NCR3LG1: variants seen among roughly 807,000 people sequenced by gnomAD.
NCR3LG1 encodes the protein natural cytotoxicity triggering receptor 3 ligand 1.
A neutral mutation model predicts 34.8 loss-of-function variants in NCR3LG1; 35 were observed. The ratio of observed to expected loss-of-function variants is 1.01; its 90% confidence interval spans 0.77 to 1.33. NCR3LG1 has a LOEUF of 1.33. Ranked by LOEUF, NCR3LG1 falls within the 40% of genes most tolerant of loss-of-function variation. The probability of loss-of-function intolerance (pLI) is 0.00; values close to 1 mark genes in which losing one functional copy is unlikely to be tolerated. For synonymous variants in NCR3LG1, 173 were observed against 163.6 expected (o/e 1.06, Z -0.44); for missense variants, 452 against 423.3 (o/e 1.07, Z -0.60).
Position 17,351,976 on chromosome 11 carries a change from TG to T in NCR3LG1, c.9del (p.Trp3Ter). 2 of 1,366,638 alleles carry T rather than the reference TG, an allele frequency of 1.5e-6. No individual in the cohort carries two copies. The highest frequency in any genetic ancestry group is 1.9e-6 in the Non-Finnish European group (2 of 1,044,632). 84.7% of individuals were successfully genotyped at this position (1,366,638 alleles called of 1,614,324 possible). MT[W>X]RAAASTCAAL... Reference sequence around the variant, plus strand: ...CACAACAGCAGCCGCGGCGATGACGTGGAGGGCTGCCGCCTCCACGTGCGCG... The same window carrying T: ...CACAACAGCAGCCGCGGCGATGACGTGAGGGCTGCCGCCTCCACGTGCGCG... On this transcript the variant is annotated frameshift_variant, in exon 1 of 5. Transcript: ENST00000338965. LOFTEE classifies it high-confidence loss of function.
intron 3 of NCR3LG1, among the ~76,000 whole-genome samples, chr11:17,368,061 G>A (rs1015173157): frequency 1.6e-4 from 25 of 151,888 alleles, no homozygotes; most frequent in African/African-American, 5.6e-4. Flanking sequence ...CAGGTGATCC[G>A]CCCGCCTCAG....
In NCR3LG1 at chr11:17,367,105, T is replaced by C. The variant is rs1487733040; in HGVS notation, c.518T>C (p.Ile173Thr). ...TCAAGTGGGTTCTACCCAGAGGCTATTAATATAACATGGGAGAAGCAGACC... is the reference window on the plus strand; with the variant it reads ...TCAAGTGGGTTCTACCCAGAGGCTACTAATATAACATGGGAGAAGCAGACC... ...CESSGFYPEA[I>T]NITWEKQTQK... The change falls in exon 3 of 5, where the codon ATT becomes ACT. Residue 173 changes from isoleucine to threonine, a missense_variant. Coordinates refer to ENST00000338965, the MANE Select transcript of NCR3LG1 (RefSeq NM_001202439.3). 7.2e-6 allele frequency: 11 copies of C among 1,536,180 alleles called. 1 individual carries two copies. Among genetic ancestry groups the C allele is most frequent in the Non-Finnish European group, 7.8e-6 (9 of 1,146,934 alleles).
chr11:17,368,885 A>C lies in NCR3LG1; in HGVS notation c.779A>C (p.Asn260Thr), dbSNP rs1483237807. The C allele has an allele frequency of 1.3e-6, 2 of 1,533,334 alleles. No individual in the cohort carries two copies. Among genetic ancestry groups the C allele is most frequent in the Non-Finnish European group, 8.7e-7 (1 of 1,144,540 alleles). The allele number at this position is 1,533,334 out of a possible 1,614,324, so 95.0% of individuals were successfully genotyped here. A position where few individuals can be genotyped will look rare whatever the true frequency, so the allele number is the denominator to read the frequency against. The change falls in exon 4 of 5, where the codon AAT becomes ACT. Residue 260 changes from asparagine to threonine, a missense_variant. Physicochemically the swap from Asn to Thr is moderately conservative, Grantham distance 65. Coordinates refer to ENST00000338965, the MANE Select transcript of NCR3LG1 (RefSeq NM_001202439.3). ...TCTGCAGAAACTGAGAAGACAGATA[A>C]TTTTTCCATTCATTGGTGGCCTATT... ...HSLSETEKTDNFSIHWWPISF... is the reference protein window; with the variant it reads ...HSLSETEKTDTFSIHWWPISF...
chr11:17,352,212 GCT>G (rs1162561195), intron 1 of NCR3LG1, among the ~76,000 whole-genome samples, 173 bp downstream of exon 1: 2 of 124,608 alleles, frequency 1.6e-5, no homozygotes, highest in African/African-American at 6.3e-5. Flanking sequence ...ACGGAGTCTC[GCT>G]CTGTCTCCCA....
rs1406930671 is a variant in NCR3LG1 at position 17,374,704 on chromosome 11, T to A, written c.*2192T>A. On this transcript the variant is annotated 3_prime_UTR_variant, in exon 5 of 5. Coordinates refer to ENST00000338965, the MANE Select transcript of NCR3LG1 (RefSeq NM_001202439.3). ...CTGAGGGATGCTTGGGCATTACAGG[T>A]TTTTGTAGGTTATAGATACCCAGGT... The A allele has an allele frequency of 2.6e-5, 4 of 152,142 alleles. No homozygotes were observed. In the South Asian group the frequency reaches 8.3e-4, roughly 32 times the overall value. The allele number at this position is 152,142 out of a possible 1,614,324, so 9.4% of individuals were successfully genotyped here.
intron 1 of NCR3LG1, among the ~76,000 whole-genome samples, chr11:17,353,761 G>A (rs1565500258): frequency 6.6e-6 from 1 of 152,218 alleles, no homozygotes; most frequent in Non-Finnish European, 1.5e-5. Context: ...GGCTCGTCCA[G>A]CCACGAGGAG....
intron 1 of NCR3LG1, among the ~76,000 whole-genome samples, chr11:17,353,456 C>T (rs1429275690): frequency 1.1e-4 from 16 of 152,240 alleles, no homozygotes; most frequent in Admixed American, 1.0e-3. Context: ...GGTCTGGAAA[C>T]GCCTCCGCGC....
chr11:17,352,103 G>T (rs1953142982), intron 1 of NCR3LG1, 64 bp downstream of exon 1: 3 of 1,192,502 alleles, frequency 2.5e-6, no homozygotes, highest in South Asian at 3.0e-5. Context: ...TCGCGGGTCG[G>T]CTCCCTAGCA....
rs1434707004 is a variant in NCR3LG1, at chr11:17,356,835, C to T, written c.255C>T (p.His85=). ...EVKVFEFFGD[H]QEAFRPGAIV... Reference sequence around the variant, plus strand: ...AAGTCTTTGAATTTTTTGGAGATCACCAAGAGGCATTCCGACCTGGAGCCA... The same window carrying T: ...AAGTCTTTGAATTTTTTGGAGATCATCAAGAGGCATTCCGACCTGGAGCCA... The change falls in exon 2 of 5, where the codon CAC becomes CAT. Residue 85 remains histidine (H), a synonymous_variant. Transcript: ENST00000338965. The T allele has an allele frequency of 6.5e-7, 1 of 1,536,142 alleles. No individual in the cohort carries two copies. Among genetic ancestry groups the T allele is most frequent in the Non-Finnish European group, 8.7e-7 (1 of 1,146,916 alleles).
chr11:17,367,386 T>C (rs1275159073), intron 3 of NCR3LG1, 39 bp downstream of exon 3: 7 of 1,442,334 alleles, frequency 4.9e-6, no homozygotes, highest in Non-Finnish European at 6.5e-6. Flanking sequence ...TTCCTTGCCT[T>C]GAGGGACTAT....
chr11:17,367,464 G>C (rs1953359024), intron 3 of NCR3LG1, 117 bp downstream of exon 3: 2 of 873,088 alleles, frequency 2.3e-6, no homozygotes, highest in East Asian at 5.3e-5. Flanking sequence ...GAGAAAGCTT[G>C]GACTGGAAGG....
intron 2 of NCR3LG1, among the ~76,000 whole-genome samples, chr11:17,360,550 T>C (rs1953259168): frequency 6.6e-6 from 1 of 152,212 alleles, no homozygotes. Context: ...TGATGCAGTT[T>C]ACTTTAATTT....
At chr11:17,378,562 C>T (rs1953495524), downstream of NCR3LG1, among the ~76,000 whole-genome samples, 1 of 152,118 alleles carries the variant, frequency 6.6e-6, no homozygotes. Context: ...ACCCTTAGAC[C>T]AATCTCAGGA....
chr11:17,380,978 T>C (rs1190998303), downstream of NCR3LG1: 3 of 152,254 alleles, frequency 2.0e-5, no homozygotes, highest in Non-Finnish European at 1.5e-5. Flanking sequence ...TGTTCTACAT[T>C]ATTTTATTTA....
chr11:17,371,879 C>G, intron 4 of NCR3LG1, 127 bp from the exon 5 acceptor site: 1 of 606,764 alleles, frequency 1.6e-6, no homozygotes, highest in Non-Finnish European at 2.9e-6. Flanking sequence ...ATAATGGTCA[C>G]CAGGAACCTG....
chr11:17,354,217 G>C (rs1953177612), intron 1 of NCR3LG1, among the ~76,000 whole-genome samples: 1 of 152,238 alleles, frequency 6.6e-6, no homozygotes. Context: ...ACCACTAGTT[G>C]ATTTGAAAAG....
downstream of NCR3LG1, among the ~76,000 whole-genome samples, chr11:17,380,229 G>A (rs1349734068): frequency 6.6e-6 from 1 of 152,158 alleles, no homozygotes; most frequent in African/African-American, 2.4e-5. Flanking sequence ...CTGTCTGTGT[G>A]GAGTTTGCAT....
chr11:17,374,329 C>G lies in NCR3LG1; in HGVS notation c.*1817C>G, dbSNP rs1953449960. On this transcript the variant is annotated 3_prime_UTR_variant, in exon 5 of 5. Transcript: ENST00000338965. ...TTGAAGACCCCTCCAATCAAACCAC[C>G]CAGTTAACCTGGACTGTACTGCCTC... 6.6e-6 allele frequency: 1 copy of G among 152,190 alleles called. No homozygotes were observed. The highest frequency in any genetic ancestry group is 2.1e-4 in the South Asian group (1 of 4,828). The allele number at this position is 152,190 out of a possible 1,614,324, so 9.4% of individuals were successfully genotyped here. A position where few individuals can be genotyped will look rare whatever the true frequency, so the allele number is the denominator to read the frequency against.
At chr11:17,379,526 G>A (rs1429376796), downstream of NCR3LG1, among the ~76,000 whole-genome samples, 1 of 152,102 alleles carries the variant, frequency 6.6e-6, no homozygotes, top group Non-Finnish European at 1.5e-5. Flanking sequence ...GTCTTCATTT[G>A]CTTCCTCGTG....
Sources: allele counts gnomAD v4.1 joint callset (sites outside exome capture counted in the v4.1 genomes callset), GRCh38; gene constraint gnomAD v4.1.1; transcripts MANE v1.5; gene names NCBI Gene and HGNC (gene_info 2026-07-23, HGNC 2026-07-21).